Variants in UBE2L6 observed in about 807,000 individuals in gnomAD.
UBE2L6 encodes ubiquitin/ISG15-conjugating enzyme E2 L6.
Under a neutral mutation model 13.6 loss-of-function variants are expected in UBE2L6, and 11 were observed. The ratio of observed to expected loss-of-function variants is 0.81; its 90% CI spans 0.51 to 1.34. UBE2L6 has a LOEUF of 1.34. Ranked by LOEUF, UBE2L6 falls within the 40% of genes most tolerant of loss-of-function variation. UBE2L6 has a pLI of 0.00. For synonymous variants in UBE2L6, 74 were observed against 83.2 expected, an observed-to-expected ratio of 0.89 and a Z score of 0.60; for missense variants, 197 against 199.5, an observed-to-expected ratio of 0.99 and a Z score of 0.07.
At chr11:57,566,066 T>A (rs1945089174) in intron 1 of UBE2L6, among the ~76,000 whole-genome samples, 1 of 152,070 alleles carries the variant, frequency 6.6e-6, no homozygotes, top group African/African-American at 2.4e-5. Flanking sequence ...TACCCCAAAC[T>A]AGAAGCATCT....
At chr11:57,553,257 G>T (rs1944972900) in intron 3 of UBE2L6, among the ~76,000 whole-genome samples, 1 of 152,262 alleles carries the variant, frequency 6.6e-6, no homozygotes, top group South Asian at 2.1e-4. Context: ...ACTTTGGGAG[G>T]CCAAGATGGG....
At chr11:57,558,504 AC>A (rs1199396030) in intron 2 of UBE2L6, among the ~76,000 whole-genome samples, 1 of 152,024 alleles carries the variant, frequency 6.6e-6, no homozygotes. Context: ...CAGTTACTTA[AC>A]CTCCTTGGTT....
intron 1 of UBE2L6, among the ~76,000 whole-genome samples, chr11:57,561,063 A>C (rs1466035567): frequency 2.0e-5 from 3 of 152,164 alleles, no homozygotes. Context: ...TTTTCTCCTG[A>C]AAGCAGGGTA....
chr11:57,567,676 GCGCCC>G (rs577842304), upstream of UBE2L6: 9 of 1,542,840 alleles, frequency 5.8e-6, no homozygotes, highest in Middle Eastern at 2.1e-4. Context: ...GCGACACAGC[GCGCCC>G]CGCCCCGCCC....
At chr11:57,564,248 C>T (rs912069846) in intron 1 of UBE2L6, among the ~76,000 whole-genome samples, 1 of 152,162 alleles carries the variant, frequency 6.6e-6, no homozygotes, top group Non-Finnish European at 1.5e-5. Flanking sequence ...TCCAATATGT[C>T]CAGCAGCGAC....
intron 1 of UBE2L6, among the ~76,000 whole-genome samples, chr11:57,561,233 T>A (rs976175622): frequency 6.6e-6 from 1 of 152,044 alleles, no homozygotes; most frequent in Non-Finnish European, 1.5e-5. Context: ...AGAAGGGAAA[T>A]GACTCCGGAA....
intron 3 of UBE2L6, among the ~76,000 whole-genome samples, chr11:57,553,488 G>A (rs918808066): frequency 1.3e-5 from 2 of 151,454 alleles, no homozygotes; most frequent in African/African-American, 4.9e-5. Flanking sequence ...GAGACAGACC[G>A]TGTCTCAGTA....
intron 1 of UBE2L6, among the ~76,000 whole-genome samples, chr11:57,563,465 G>A (rs1377720542): frequency 6.2e-5 from 8 of 130,030 alleles, no homozygotes; most frequent in African/African-American, 2.4e-4. Context: ...TGGGCAACAA[G>A]AGTGGAACTC....
intron 2 of UBE2L6, among the ~76,000 whole-genome samples, chr11:57,557,278 T>G (rs1165083417): frequency 6.6e-6 from 1 of 151,892 alleles, no homozygotes; most frequent in African/African-American, 2.4e-5. Flanking sequence ...CTGCTCGCTC[T>G]CTCTCTCTTT....
intron 2 of UBE2L6, among the ~76,000 whole-genome samples, chr11:57,555,513 G>C (rs181413762): frequency 1.9e-4 from 29 of 152,342 alleles, no homozygotes; most frequent in Non-Finnish European, 3.7e-4. Context: ...AAGGGGTACA[G>C]AGTTTCAGTA....
intron 1 of UBE2L6, chr11:57,567,332 T>G (rs567784529): frequency 3.4e-6 from 2 of 593,184 alleles, no homozygotes; most frequent in East Asian, 2.8e-5. Context: ...AAACCAGTTT[T>G]GGGGGAGCCG....
At chr11:57,566,468 G>A (rs1051756772) in intron 1 of UBE2L6, among the ~76,000 whole-genome samples, 1 of 152,146 alleles carries the variant, frequency 6.6e-6, no homozygotes, top group African/African-American at 2.4e-5. Flanking sequence ...GTAAAATGCG[G>A]GTATATATTA....
chr11:57,554,183 T>C (rs745571650), intron 3 of UBE2L6, among the ~76,000 whole-genome samples: 3 of 152,168 alleles, frequency 2.0e-5, no homozygotes, highest in African/African-American at 7.2e-5. Context: ...AGCCCTTCCC[T>C]GTGCAGCCAA....
chr11:57,567,678 G>T (rs1464201260), upstream of UBE2L6: 5 of 1,519,308 alleles, frequency 3.3e-6, no homozygotes, highest in African/African-American at 5.6e-5. Context: ...GACACAGCGC[G>T]CCCCGCCCCG....
At chr11:57,560,813 G>C (rs1298770209) in intron 1 of UBE2L6, among the ~76,000 whole-genome samples, 1 of 151,852 alleles carries the variant, frequency 6.6e-6, no homozygotes, top group East Asian at 1.9e-4. Context: ...GTAGAGACGG[G>C]GTTTCACCGT....
chr11:57,564,313 A>C (rs1414633482), intron 1 of UBE2L6, among the ~76,000 whole-genome samples: 1 of 152,220 alleles, frequency 6.6e-6, no homozygotes, highest in Non-Finnish European at 1.5e-5. Context: ...ATTTAAATGA[A>C]ATACGGCTGA....
chr11:57,566,943 G>GGCCC, intron 1 of UBE2L6: 1 of 75,880 alleles, frequency 1.3e-5, no homozygotes, highest in Admixed American at 2.1e-4. Flanking sequence ...GTTCATCTCT[G>GGCCC]CCCGCCCCCC....
Position 57,552,476 on chromosome 11 carries a change from G to C in UBE2L6, c.344C>G (p.Pro115Arg). The C allele has an allele frequency of 6.2e-7, 1 of 1,614,118 alleles. No individual in the cohort carries two copies. The highest frequency in any genetic ancestry group is 8.5e-7 in the Non-Finnish European group (1 of 1,180,012). ...LEALNVLVNRPNIREPLRMDL... is the reference protein window; with the variant it reads ...LEALNVLVNRRNIREPLRMDL... ...CATCCGCAGGGGCTCCCTGATATTC[G>C]GTCTATTCACCAGCACATTGAGGGC... The change falls in exon 4 of 4, where the codon CCG becomes CGG. Residue 115 changes from proline (P) to arginine (R), a missense_variant. By Grantham distance (103) the Pro-to-Arg change is moderately radical. Transcript: ENST00000287156.
At chr11:57,560,085 G>A (rs560609074) in intron 2 of UBE2L6, among the ~76,000 whole-genome samples, 43 of 152,242 alleles carry the variant, frequency 2.8e-4, no homozygotes, top group African/African-American at 1.0e-3. Flanking sequence ...TGGTGGGCTT[G>A]GTGGCTACCG....
Sources: allele counts gnomAD v4.1 joint callset (sites outside exome capture counted in the v4.1 genomes callset), GRCh38; gene constraint gnomAD v4.1.1; transcripts MANE v1.5; gene names NCBI Gene and HGNC (gene_info 2026-07-23, HGNC 2026-07-21).